RPAP2: variants seen among roughly 807,000 people sequenced by gnomAD.
The protein encoded by RPAP2 is putative RNA polymerase II subunit B1 CTD phosphatase RPAP2.
In RPAP2, 52 loss-of-function variants were observed where a neutral mutation model predicts 73.1. The ratio of observed to expected loss-of-function variants is 0.71; its 90% CI spans 0.57 to 0.90. The LOEUF (loss-of-function observed/expected upper bound fraction) is 0.90, where lower values mean the gene tolerates loss of function less well. Ranked by LOEUF, RPAP2 falls within the 40% of genes least tolerant of loss-of-function variation. RPAP2 has a pLI of 0.00. For missense variants in RPAP2, 598 were observed against 701.8 expected, an observed-to-expected ratio of 0.85 and a Z score of 1.67; for synonymous variants, 225 against 242.1, an observed-to-expected ratio of 0.93 and a Z score of 0.65.
intron 6 of RPAP2, among the ~76,000 whole-genome samples, chr1:92,317,496 ACT>A (rs1457022557): frequency 2.0e-5 from 3 of 151,974 alleles, no homozygotes; most frequent in African/African-American, 7.3e-5. Context: ...CAACAGTGAG[ACT>A]CTGTCTCAAA....
Position 92,304,328 on chromosome 1 carries a change from C to A in RPAP2, c.378C>A (p.Val126=). 2.0e-6 allele frequency: 3 copies of A among 1,523,700 alleles called. No homozygotes were observed. The highest frequency in any genetic ancestry group is 1.8e-6 in the Non-Finnish European group (2 of 1,110,050). 94.4% of individuals were successfully genotyped at this position (1,523,700 alleles called of 1,614,324 possible). Residue 126 remains valine, a synonymous_variant, in exon 5 of 13, where the codon GTC becomes GTA. Transcript: ENST00000610020. ...KYKISTKTNK[V]YDITERKSFC... is the part of the protein sequence containing the mutation. Reference sequence around the variant, plus strand: ...AAATTTCTACCAAAACCAATAAAGTCTATGATATTACTGAAAGAAAGGTGA... The same window carrying A: ...AAATTTCTACCAAAACCAATAAAGTATATGATATTACTGAAAGAAAGGTGA...
intron 3 of RPAP2, among the ~76,000 whole-genome samples, chr1:92,302,696 T>C (rs543763576): frequency 7.3e-6 from 1 of 136,586 alleles, no homozygotes; most frequent in East Asian, 2.6e-4. Flanking sequence ...CCGCCTCCCG[T>C]GTTCACGCCA....
rs1656097766 is a variant in RPAP2, at chr1:92,393,171, A to C, written c.*6160A>C. On this transcript the variant is annotated 3_prime_UTR_variant, in exon 13 of 13. Coordinates refer to ENST00000610020, the MANE Select transcript of RPAP2 (RefSeq NM_024813.3). ...GAACAGAATGGAGGCCTCAGAAATA[A>C]CACCACACGTCTACCACCATCTGAT... 6.6e-6 allele frequency: 1 copy of C among 152,218 alleles called. No individual in the cohort carries two copies. The allele number at this position is 152,218 out of a possible 1,614,324, so 9.4% of individuals were successfully genotyped here. A position where few individuals can be genotyped will look rare whatever the true frequency, so the allele number is the denominator to read the frequency against.
In RPAP2 at chr1:92,321,208, A is replaced by G. The variant is rs559985665; in HGVS notation, c.524+574A>G. On this transcript the variant is annotated intron_variant, in intron 7 of 12. Transcript: ENST00000610020. ...GAGCACAAATAAGAGATATTTATTTATTGATGTATATCTTTATAGCTTCAG... is the reference window on the plus strand; with the variant it reads ...GAGCACAAATAAGAGATATTTATTTGTTGATGTATATCTTTATAGCTTCAG... Among the ~76,000 whole-genome samples, 8 of 152,362 alleles carry G rather than the reference A, an allele frequency of 5.3e-5. No individual in the cohort carries two copies. In the South Asian group the frequency reaches 1.4e-3, roughly 28 times the overall value.
At chr1:92,303,895 A>G in intron 3 of RPAP2, 82 bp from the exon 4 acceptor site, 2 of 866,304 alleles carry the variant, frequency 2.3e-6, no homozygotes, top group Non-Finnish European at 1.8e-6. Flanking sequence ...GTGTTTTCAG[A>G]TAAGATTGAT....
In RPAP2 at chr1:92,323,680, C is replaced by T; in HGVS notation, c.760C>T (p.His254Tyr). The T allele has an allele frequency of 6.2e-7, 1 of 1,613,596 alleles. No individual in the cohort carries two copies. The highest frequency in any genetic ancestry group is 8.5e-7 in the Non-Finnish European group (1 of 1,179,882). Residue 254 changes from histidine to tyrosine, a missense_variant, in exon 8 of 13, where the codon CAC (histidine) becomes TAC (tyrosine). Coordinates refer to ENST00000610020, the MANE Select transcript of RPAP2 (RefSeq NM_024813.3). ...AAGCATAATGAAAAAGAAAGCTGGT[C>T]ACAAAGCTAACTCCAAACACAAAGA... ...QKSIMKKKAG[H>Y]KANSKHKDKE... is the part of the protein sequence containing the mutation.
At chr1:92,367,783 T>C (rs1654988215) in intron 11 of RPAP2, among the ~76,000 whole-genome samples, 1 of 152,206 alleles carries the variant, frequency 6.6e-6, no homozygotes, top group South Asian at 2.1e-4. Context: ...TTCTCACAGC[T>C]CTTTATTCTG....
intron 11 of RPAP2, among the ~76,000 whole-genome samples, chr1:92,346,790 T>G (rs1653927062): frequency 6.6e-6 from 1 of 152,174 alleles, no homozygotes; most frequent in Non-Finnish European, 1.5e-5. Flanking sequence ...ATCAATAGGG[T>G]TAAAACTATT....
At chr1:92,338,715 A>G (rs1653423978) in intron 10 of RPAP2, among the ~76,000 whole-genome samples, 1 of 148,812 alleles carries the variant, frequency 6.7e-6, no homozygotes, top group South Asian at 2.1e-4. Flanking sequence ...CAGTGATGCG[A>G]TCATGGCTCA....
intron 11 of RPAP2, among the ~76,000 whole-genome samples, chr1:92,375,417 C>T (rs566683834): frequency 9.2e-5 from 14 of 152,220 alleles, no homozygotes; most frequent in Admixed American, 3.3e-4. Context: ...GGGAAAGGGC[C>T]GGTGCAGTGG....
At chr1:92,318,209 A>G (rs1417006485) in intron 6 of RPAP2, among the ~76,000 whole-genome samples, 1 of 152,136 alleles carries the variant, frequency 6.6e-6, no homozygotes, top group East Asian at 1.9e-4. Flanking sequence ...CTTTTTTTCT[A>G]TTTAGCTTGC....
Position 92,324,234 on chromosome 1 carries a change from C to T in RPAP2, c.1314C>T (p.Gly438=). 1 of 1,613,996 alleles carries T rather than the reference C, an allele frequency of 6.2e-7. No individual in the cohort carries two copies. Among genetic ancestry groups the T allele is most frequent in the Non-Finnish European group, 8.5e-7 (1 of 1,179,960 alleles). ...TGGATGAGTCTTTACCTTTTAGGGGCTCAGGTACAGCCATTAAACCACTGC... is the reference window on the plus strand; with the variant it reads ...TGGATGAGTCTTTACCTTTTAGGGGTTCAGGTACAGCCATTAAACCACTGC... ...NSLDESLPFR[G]SGTAIKPLPS... is the part of the protein sequence containing the mutation. The change falls in exon 8 of 13, where the codon GGC becomes GGT. Residue 438 remains glycine (G), a synonymous_variant. Coordinates refer to ENST00000610020, the MANE Select transcript of RPAP2 (RefSeq NM_024813.3).
intron 11 of RPAP2, among the ~76,000 whole-genome samples, chr1:92,346,252 C>T (rs1362386675): frequency 6.6e-6 from 1 of 151,932 alleles, no homozygotes; most frequent in Non-Finnish European, 1.5e-5. Flanking sequence ...CCACCTCTGC[C>T]TCCCAGGCTC....
intron 11 of RPAP2, among the ~76,000 whole-genome samples, chr1:92,348,211 G>A (rs1389078598): frequency 6.6e-6 from 1 of 152,184 alleles, no homozygotes; most frequent in East Asian, 1.9e-4. Flanking sequence ...TCTTGAAATT[G>A]TAGCAGTAAA....
At chr1:92,308,006 G>C (rs1331647130) in intron 6 of RPAP2, among the ~76,000 whole-genome samples, 1 of 151,976 alleles carries the variant, frequency 6.6e-6, no homozygotes, top group Non-Finnish European at 1.5e-5. Context: ...CTTGTGGTAA[G>C]GTAGGACCTA....
intron 10 of RPAP2, among the ~76,000 whole-genome samples, chr1:92,342,877 G>A (rs1261857374): frequency 6.6e-6 from 1 of 152,100 alleles, no homozygotes; most frequent in Non-Finnish European, 1.5e-5. Context: ...TTGGGGGAAG[G>A]ATGAGGAGCC....
rs150767715 is a variant in RPAP2 at position 92,313,397 on chromosome 1, G to A, written c.488+6121G>A. ...TTGTACATTTGCATCAGAGTTCTTGGGTGGCTAGGTACATTGTTAATAATC... is the reference window on the plus strand; with the variant it reads ...TTGTACATTTGCATCAGAGTTCTTGAGTGGCTAGGTACATTGTTAATAATC... On this transcript the variant is annotated intron_variant, in intron 6 of 12. Transcript: ENST00000610020. Among the ~76,000 whole-genome samples the A allele has an allele frequency of 1.7e-3, 261 of 152,170 alleles. 1 individual carries two copies. Among genetic ancestry groups the A allele is most frequent in the African/African-American group, 6.0e-3 (250 of 41,510 alleles).
intron 11 of RPAP2, among the ~76,000 whole-genome samples, chr1:92,377,586 G>C (rs545194764): frequency 4.9e-4 from 74 of 151,880 alleles, no homozygotes; most frequent in African/African-American, 1.6e-3. Context: ...TAGTTAGACT[G>C]GGGGGGAACA....
chr1:92,358,903 T>TAAAA (rs918352396), intron 11 of RPAP2, among the ~76,000 whole-genome samples: 1 of 151,844 alleles, frequency 6.6e-6, no homozygotes, highest in Non-Finnish European at 1.5e-5. Context: ...TCTTTAAATT[T>TAAAA]AAAAAAAACA....
Sources: allele counts gnomAD v4.1 joint callset (sites outside exome capture counted in the v4.1 genomes callset), GRCh38; gene constraint gnomAD v4.1.1; transcripts MANE v1.5; gene names NCBI Gene and HGNC (gene_info 2026-07-23, HGNC 2026-07-21).